The following COL19A1 variants were observed in gnomAD, a reference collection of about 807,000 sequenced individuals.
COL19A1 encodes the protein collagen alpha-1(XIX) chain.
COL19A1 carries 159 observed loss-of-function variants against 190.2 expected under a neutral mutation model. The ratio of observed to expected loss-of-function variants is 0.84; its 90% CI spans 0.73 to 0.95. The LOEUF (loss-of-function observed/expected upper bound fraction) is 0.95. Among genes scored for constraint, COL19A1 ranks in the 40% least tolerant of loss-of-function variants. The pLI, the probability that COL19A1 is intolerant of heterozygous loss-of-function variation, is 0.00. For synonymous variants in COL19A1, 509 were observed against 458.9 expected (o/e 1.11, Z -1.39); for missense variants, 1,418 against 1,431.9 (o/e 0.99, Z 0.16).
chr6:70,083,547 G>T (rs1782404583), intron 15 of COL19A1, among the ~76,000 whole-genome samples: 2 of 152,124 alleles, frequency 1.3e-5, no homozygotes, highest in Admixed American at 6.5e-5. Flanking sequence ...TTAGAGAAGT[G>T]CTGATTTAGT....
At chr6:69,867,876 T>C (rs139348358) in intron 1 of COL19A1, among the ~76,000 whole-genome samples, 136 of 152,016 alleles carry the variant, frequency 8.9e-4, no homozygotes, top group African/African-American at 2.5e-3. Flanking sequence ...AATCCGTGAA[T>C]AGAGGCAAGA....
chr6:70,156,811 T>C (rs1787470664), intron 34 of COL19A1, 88 bp downstream of exon 34: 1 of 966,270 alleles, frequency 1.0e-6, no homozygotes, highest in Non-Finnish European at 1.6e-6. Context: ...TTTCTATAGC[T>C]CAGATCTGAT....
intron 11 of COL19A1, among the ~76,000 whole-genome samples, chr6:70,005,412 T>A (rs1441095919): frequency 6.6e-6 from 1 of 152,124 alleles, no homozygotes; most frequent in Non-Finnish European, 1.5e-5. Flanking sequence ...CAGGTACCTC[T>A]TCTGTAGGGC....
At chr6:69,892,875 A>G (rs1017645017) in intron 2 of COL19A1, among the ~76,000 whole-genome samples, 8 of 152,224 alleles carry the variant, frequency 5.3e-5, no homozygotes, top group African/African-American at 1.4e-4. Flanking sequence ...ACTTTCTCCA[A>G]TTGTGTCCTG....
intron 4 of COL19A1, among the ~76,000 whole-genome samples, chr6:69,909,811 G>A (rs777338089): frequency 3.3e-5 from 5 of 151,994 alleles, no homozygotes; most frequent in African/African-American, 1.2e-4. Context: ...GAAAGTCTAC[G>A]GTCATTCAAA....
chr6:70,010,717 G>A (rs1250464505), intron 11 of COL19A1, among the ~76,000 whole-genome samples: 7 of 135,410 alleles, frequency 5.2e-5, no homozygotes, highest in Admixed American at 2.2e-4. Flanking sequence ...CTACACCCAC[G>A]GAATCTCGCT....
chr6:70,188,714 T>C (rs1325690156), intron 47 of COL19A1, among the ~76,000 whole-genome samples: 1 of 152,180 alleles, frequency 6.6e-6, no homozygotes, highest in Non-Finnish European at 1.5e-5. Context: ...CTGCCATGAG[T>C]AGTGCCTTGA....
At chr6:69,881,099 T>G (rs1582267354) in intron 2 of COL19A1, among the ~76,000 whole-genome samples, 1 of 152,324 alleles carries the variant, frequency 6.6e-6, no homozygotes, top group Non-Finnish European at 1.5e-5. Flanking sequence ...ACGTATTTGA[T>G]TCCTGAGACC....
chr6:70,076,440 CTAGAAGGGACAAATA>C (rs1323506617), intron 15 of COL19A1, among the ~76,000 whole-genome samples: 1 of 152,182 alleles, frequency 6.6e-6, no homozygotes, highest in Non-Finnish European at 1.5e-5. Flanking sequence ...AAGCCACACA[CTAGAAGGGACAAATA>C]TAGGTAGGTA....
rs139771446 is a variant in COL19A1, at chr6:70,192,978, T to C, written c.3094+2597T>C. ...TTATTTATCTTTTATCTAAGAGAGC[T>C]TTAATACTGAACTTCAGTCTCTTAA... is the stretch of plus-strand genomic sequence containing the variant. On this transcript the variant is annotated intron_variant, in intron 48 of 50. Transcript: ENST00000620364. Among the ~76,000 whole-genome samples the C allele has an allele frequency of 7.6e-3, 1,157 of 152,360 alleles. 14 individuals are homozygous for C. Among genetic ancestry groups the C allele is most frequent in the Admixed American group, 0.01 (160 of 15,310 alleles).
chr6:70,124,651 A>G lies in COL19A1; in HGVS notation c.1341+2709A>G, dbSNP rs900493191. On this transcript the variant is annotated intron_variant, in intron 17 of 50. Coordinates refer to ENST00000620364, the MANE Select transcript of COL19A1 (RefSeq NM_001858.6). ...TTTGAACTTAATTATTAACTCACCTAAAAGAACCCCAGTTATTCTTCTTGC... is the reference window on the plus strand; with the variant it reads ...TTTGAACTTAATTATTAACTCACCTGAAAGAACCCCAGTTATTCTTCTTGC... 2.6e-5 allele frequency among the ~76,000 whole-genome samples: 4 copies of G among 152,244 alleles called. No homozygotes were observed. The South Asian group carries it at 8.3e-4, about 32-fold the overall frequency.
intron 15 of COL19A1, among the ~76,000 whole-genome samples, chr6:70,078,679 G>T (rs1037287012): frequency 2.0e-5 from 3 of 152,192 alleles, no homozygotes; most frequent in Non-Finnish European, 4.4e-5. Context: ...GTACAGAGGT[G>T]AAATAAAACA....
chr6:70,124,659 C>T (rs1785088014), intron 17 of COL19A1, among the ~76,000 whole-genome samples: 2 of 152,088 alleles, frequency 1.3e-5, no homozygotes, highest in South Asian at 4.1e-4. Flanking sequence ...CTAAAAGAAC[C>T]CCAGTTATTC....
intron 11 of COL19A1, among the ~76,000 whole-genome samples, chr6:70,006,776 T>C (rs1210060176): frequency 1.3e-5 from 2 of 152,062 alleles, no homozygotes; most frequent in African/African-American, 4.8e-5. Flanking sequence ...TTATAGGATA[T>C]GAATATATTA....
intron 15 of COL19A1, among the ~76,000 whole-genome samples, chr6:70,099,978 A>C (rs1783523983): frequency 6.6e-6 from 1 of 152,166 alleles, no homozygotes; most frequent in African/African-American, 2.4e-5. Flanking sequence ...TTTACTCCTC[A>C]TCTTAACACA....
intron 14 of COL19A1, among the ~76,000 whole-genome samples, chr6:70,042,964 A>C (rs1279514116): frequency 6.6e-6 from 1 of 152,106 alleles, no homozygotes; most frequent in Non-Finnish European, 1.5e-5. Flanking sequence ...TATTTCTACC[A>C]CATCTGCAGT....
intron 23 of COL19A1, among the ~76,000 whole-genome samples, chr6:70,143,365 C>T (rs1401552695): frequency 3.9e-5 from 6 of 152,202 alleles, no homozygotes; most frequent in South Asian, 2.1e-4. Flanking sequence ...ATTCATTATC[C>T]GGATCAGCTT....
intron 2 of COL19A1, among the ~76,000 whole-genome samples, chr6:69,888,024 A>C (rs1769060035): frequency 6.6e-6 from 1 of 152,200 alleles, no homozygotes; most frequent in Admixed American, 6.5e-5. Flanking sequence ...ATTAAGGATA[A>C]GGATGAAGAC....
intron 18 of COL19A1, among the ~76,000 whole-genome samples, chr6:70,134,956 A>G (rs1169555234): frequency 7.0e-6 from 1 of 142,894 alleles, no homozygotes; most frequent in African/African-American, 2.5e-5. Context: ...TCATATGCCA[A>G]TCGAAAGCCC....
Sources: allele counts gnomAD v4.1 joint callset (sites outside exome capture counted in the v4.1 genomes callset), GRCh38; gene constraint gnomAD v4.1.1; transcripts MANE v1.5; gene names NCBI Gene and HGNC (gene_info 2026-07-23, HGNC 2026-07-21).